CLCN3: variants seen among roughly 807,000 people sequenced by gnomAD.
The protein encoded by CLCN3 is Cl-/H+ antiporter 3.
In CLCN3, 16 loss-of-function variants were observed where a neutral mutation model predicts 83.4. The observed-to-expected ratio is 0.19, with a 90% CI of 0.13 to 0.29. The LOEUF (loss-of-function observed/expected upper bound fraction) is 0.29. CLCN3 is among the 10% of genes least tolerant of loss of function. CLCN3 has a pLI of 1.00. For synonymous variants in CLCN3, 322 were observed against 346.2 expected, an observed-to-expected ratio of 0.93 and a Z score of 0.78; for missense variants, 544 against 1,006.0, an observed-to-expected ratio of 0.54 and a Z score of 6.21.
At chr4:169,666,696 A>G (rs1348482784) in intron 2 of CLCN3, among the ~76,000 whole-genome samples, 2 of 152,232 alleles carry the variant, frequency 1.3e-5, no homozygotes, top group African/African-American at 2.4e-5. Flanking sequence ...TAAAGTATAC[A>G]TGTAAACCAA....
intron 2 of CLCN3, among the ~76,000 whole-genome samples, chr4:169,651,550 A>G (rs950624247): frequency 6.6e-6 from 1 of 152,326 alleles, no homozygotes; most frequent in African/African-American, 2.4e-5. Flanking sequence ...TATCACCTAC[A>G]CACATCCTCT....
intron 2 of CLCN3, among the ~76,000 whole-genome samples, chr4:169,666,202 A>G (rs1731239272): frequency 6.6e-6 from 1 of 152,230 alleles, no homozygotes; most frequent in Non-Finnish European, 1.5e-5. Context: ...ATATCAGTAT[A>G]TACCAAGTAG....
chr4:169,678,907 G>A (rs1383396669), intron 2 of CLCN3, among the ~76,000 whole-genome samples: 1 of 152,236 alleles, frequency 6.6e-6, no homozygotes, highest in Non-Finnish European at 1.5e-5. Flanking sequence ...ACCATGGCCC[G>A]TTCTCAATGA....
chr4:169,621,474 C>T (rs754773309), intron 1 of CLCN3, among the ~76,000 whole-genome samples: 111 of 152,250 alleles, frequency 7.3e-4, no homozygotes, highest in Non-Finnish European at 1.4e-3. Flanking sequence ...CAGAAACTGC[C>T]TTAGAATCTC....
At chr4:169,633,954 G>GT (rs34108402) in intron 1 of CLCN3, among the ~76,000 whole-genome samples, 9 of 149,040 alleles carry the variant, frequency 6.0e-5, no homozygotes, top group African/African-American at 2.2e-4. Flanking sequence ...ACGTGGAATA[G>GT]TTTTTTTTTT....
At chr4:169,652,396 A>G (rs1165108609) in intron 2 of CLCN3, among the ~76,000 whole-genome samples, 3 of 152,206 alleles carry the variant, frequency 2.0e-5, no homozygotes, top group Non-Finnish European at 4.4e-5. Flanking sequence ...TATAGTGTAT[A>G]TGTCTTTGTT....
chr4:169,715,220 A>G (rs1327578904), intron 12 of CLCN3, among the ~76,000 whole-genome samples: 1 of 152,158 alleles, frequency 6.6e-6, no homozygotes, highest in South Asian at 2.1e-4. Context: ...AGATATTAGA[A>G]AGGAAAATAT....
chr4:169,678,423 A>AT (rs1731767393), intron 2 of CLCN3, among the ~76,000 whole-genome samples: 4 of 151,308 alleles, frequency 2.6e-5, no homozygotes, highest in Admixed American at 2.0e-4. Flanking sequence ...TTTTTTTTAA[A>AT]TTTTTTTACT....
chr4:169,715,265 A>G (rs993224474), intron 12 of CLCN3, among the ~76,000 whole-genome samples: 1 of 152,146 alleles, frequency 6.6e-6, no homozygotes, highest in African/African-American at 2.4e-5. Context: ...AAGTGTATAG[A>G]GCGAGGGGTG....
At chr4:169,636,126 A>G (rs1312098394) in intron 2 of CLCN3, 38 bp downstream of exon 2, 1 of 1,536,074 alleles carries the variant, frequency 6.5e-7, no homozygotes, top group African/African-American at 1.4e-5. Flanking sequence ...TGTATTCATG[A>G]ATATCCACTA....
chr4:169,688,461 A>G (rs1464839028), intron 4 of CLCN3, among the ~76,000 whole-genome samples: 1 of 152,180 alleles, frequency 6.6e-6, no homozygotes, highest in Non-Finnish European at 1.5e-5. Flanking sequence ...GTGGAGAATA[A>G]AGTACTGATA....
intron 2 of CLCN3, among the ~76,000 whole-genome samples, chr4:169,641,274 T>TA (rs558408537): frequency 6.6e-6 from 1 of 151,998 alleles, no homozygotes; most frequent in African/African-American, 2.4e-5. Context: ...TAAATAAAAA[T>TA]AAAAAACCTT....
At position 169,702,906 on chromosome 4, in the gene CLCN3, T is replaced by TA. The variant is rs540913023; in HGVS notation, c.1564-1091dup. 1.7e-4 allele frequency: 34 copies of TA among 197,388 alleles called. No homozygotes were observed. The East Asian group carries it at 4.2e-3, about 24-fold the overall frequency. The allele number at this position is 197,388 out of a possible 1,614,324, so 12.2% of individuals were successfully genotyped here. On this transcript the variant is annotated intron_variant, in intron 9 of 12. Transcript: ENST00000513761. ...TGACTTCTGCTTTCAGTTGTACACTTAGAGACCATTGTAGGGTTCTTAGTT... is the reference window on the plus strand; with the variant it reads ...TGACTTCTGCTTTCAGTTGTACACTTAAGAGACCATTGTAGGGTTCTTAGTT...
At chr4:169,670,300 A>G (rs1050164446) in intron 2 of CLCN3, among the ~76,000 whole-genome samples, 1 of 152,306 alleles carries the variant, frequency 6.6e-6, no homozygotes, top group East Asian at 1.9e-4. Flanking sequence ...GGTGTAAGGA[A>G]GGGGTCCAGT....
At chr4:169,681,161 A>T (rs1475907497) in intron 3 of CLCN3, among the ~76,000 whole-genome samples, 1 of 152,012 alleles carries the variant, frequency 6.6e-6, no homozygotes, top group Admixed American at 6.5e-5. Context: ...CGATTCTTGT[A>T]CTCAGCCTCC....
intron 2 of CLCN3, among the ~76,000 whole-genome samples, chr4:169,657,892 C>G (rs950262800): frequency 6.6e-6 from 1 of 152,118 alleles, no homozygotes; most frequent in Non-Finnish European, 1.5e-5. Context: ...AATAAAAAGT[C>G]TCTATCAAAG....
chr4:169,681,485 T>C (rs569794880), intron 3 of CLCN3, among the ~76,000 whole-genome samples: 1 of 152,338 alleles, frequency 6.6e-6, no homozygotes, highest in East Asian at 1.9e-4. Flanking sequence ...TTATGAAAGG[T>C]ACAGCCTCTG....
intron 2 of CLCN3, among the ~76,000 whole-genome samples, chr4:169,668,129 A>G (rs1442165007): frequency 6.7e-6 from 1 of 149,298 alleles, no homozygotes; most frequent in Non-Finnish European, 1.5e-5. Context: ...CATATGAGTA[A>G]TATAATGCAA....
chr4:169,636,278 C>T (rs1273608510), intron 2 of CLCN3, among the ~76,000 whole-genome samples, 190 bp downstream of exon 2: 1 of 152,114 alleles, frequency 6.6e-6, no homozygotes, highest in African/African-American at 2.4e-5. Context: ...TGTGCAACTA[C>T]CGTTTCTATC....
Sources: allele counts gnomAD v4.1 joint callset (sites outside exome capture counted in the v4.1 genomes callset), GRCh38; gene constraint gnomAD v4.1.1; transcripts MANE v1.5; gene names NCBI Gene and HGNC (gene_info 2026-07-23, HGNC 2026-07-21).